ZNF892: variants seen among roughly 807,000 people sequenced by gnomAD.
ZNF892 encodes zinc finger protein 892.
the ZNF892 span, among the ~76,000 whole-genome samples, chr2:95,239,970 A>T: frequency 6.6e-6 from 1 of 152,212 alleles, no homozygotes; most frequent in Non-Finnish European, 1.5e-5. Flanking sequence ...ACTAGGAAAC[A>T]AAAAATTTGT....
the ZNF892 span, among the ~76,000 whole-genome samples, chr2:95,252,869 C>G: frequency 6.6e-6 from 1 of 152,166 alleles, no homozygotes; most frequent in African/African-American, 2.4e-5. Context: ...TGTCTTTTGG[C>G]TGTGTAAATG....
chr2:95,252,022 A>G, the ZNF892 span, among the ~76,000 whole-genome samples: 1 of 152,226 alleles, frequency 6.6e-6, no homozygotes, highest in Non-Finnish European at 1.5e-5. Context: ...TGTTGGAAAT[A>G]AGAGTTCGGA....
chr2:95,243,827 C>G, the ZNF892 span, among the ~76,000 whole-genome samples: 1 of 152,190 alleles, frequency 6.6e-6, no homozygotes, highest in Non-Finnish European at 1.5e-5. Flanking sequence ...CGGCCACCAC[C>G]CCGTCTGGGA....
the ZNF892 span, chr2:95,207,583 C>T: frequency 2.6e-6 from 1 of 384,278 alleles, no homozygotes; most frequent in Non-Finnish European, 4.6e-6. Flanking sequence ...CCTTTGTCGT[C>T]GGGCTCGGCT....
chr2:95,228,319 A>G, the ZNF892 span, among the ~76,000 whole-genome samples: 7 of 152,306 alleles, frequency 4.6e-5, no homozygotes, highest in Non-Finnish European at 8.8e-5. Flanking sequence ...AATTTCAGCT[A>G]TTCAGGAGGC....
At chr2:95,261,262 C>A in the ZNF892 span, among the ~76,000 whole-genome samples, 1 of 152,070 alleles carries the variant, frequency 6.6e-6, no homozygotes, top group African/African-American at 2.4e-5. Context: ...ACCTTCCTTA[C>A]CTCCAACCAT....
the ZNF892 span, among the ~76,000 whole-genome samples, chr2:95,238,149 AT>A: frequency 2.0e-5 from 3 of 152,250 alleles, no homozygotes; most frequent in Non-Finnish European, 4.4e-5. Context: ...AGAAGATGCC[AT>A]CTAGGACTTT....
At chr2:95,228,628 TTGA>T in the ZNF892 span, among the ~76,000 whole-genome samples, 1 of 152,220 alleles carries the variant, frequency 6.6e-6, no homozygotes, top group African/African-American at 2.4e-5. Context: ...TTGCTTTCCA[TTGA>T]TGATACTTGC....
the ZNF892 span, chr2:95,208,601 T>G: frequency 2.5e-6 from 1 of 398,422 alleles, no homozygotes; most frequent in Non-Finnish European, 4.4e-6. Flanking sequence ...CCTGCTAGTT[T>G]ATTGCAAGGA....
At chr2:95,235,085 A>C in the ZNF892 span, among the ~76,000 whole-genome samples, 1 of 152,206 alleles carries the variant, frequency 6.6e-6, no homozygotes, top group East Asian at 1.9e-4. Flanking sequence ...TGTGGGGAGA[A>C]ATCCCCACAC....
At chr2:95,221,045 CTG>C in the ZNF892 span, among the ~76,000 whole-genome samples, 4 of 152,120 alleles carry the variant, frequency 2.6e-5, no homozygotes, top group African/African-American at 7.2e-5. Flanking sequence ...ATGAAAATAA[CTG>C]AGATTTGGGA....
chr2:95,214,513 C>A, the ZNF892 span: 1 of 398,532 alleles, frequency 2.5e-6, no homozygotes, highest in Non-Finnish European at 4.4e-6. Flanking sequence ...GAGGCTGTCA[C>A]TGAGAAATCT....
chr2:95,217,619 CAG>C, the ZNF892 span, among the ~76,000 whole-genome samples: 1 of 152,188 alleles, frequency 6.6e-6, no homozygotes, highest in Non-Finnish European at 1.5e-5. Flanking sequence ...TCCCATTCCA[CAG>C]GGGGAGAAAT....
chr2:95,254,318 T>G, the ZNF892 span, among the ~76,000 whole-genome samples: 5 of 152,256 alleles, frequency 3.3e-5, no homozygotes. Context: ...CAAAGGTCTT[T>G]TCTGCATCTA....
the ZNF892 span, among the ~76,000 whole-genome samples, chr2:95,227,213 A>G: frequency 5.4e-4 from 81 of 149,056 alleles, no homozygotes; most frequent in Admixed American, 3.7e-3. Flanking sequence ...ATCTTTGTCT[A>G]TGCATGTTTT....
chr2:95,249,123 A>G, the ZNF892 span, among the ~76,000 whole-genome samples: 2 of 147,440 alleles, frequency 1.4e-5, no homozygotes, highest in African/African-American at 5.0e-5. Context: ...TTTCTCCCAT[A>G]CTTTGAACAC....
the ZNF892 span, among the ~76,000 whole-genome samples, chr2:95,254,507 G>A: frequency 0.017 from 2,536 of 152,144 alleles, 32 homozygotes; most frequent in Non-Finnish European, 0.026. Context: ...GGATTTTTGC[G>A]TCGATGTTCA....
At chr2:95,236,060 G>C in the ZNF892 span, among the ~76,000 whole-genome samples, 1 of 152,184 alleles carries the variant, frequency 6.6e-6, no homozygotes, top group South Asian at 2.1e-4. Flanking sequence ...CTGTGGGCAA[G>C]GAGTCAGGCT....
the ZNF892 span, among the ~76,000 whole-genome samples, chr2:95,236,252 A>T: frequency 6.6e-6 from 1 of 152,258 alleles, no homozygotes; most frequent in Admixed American, 6.5e-5. Context: ...CCATAAAAAT[A>T]AGAATACTCA....
Sources: allele counts gnomAD v4.1 joint callset (sites outside exome capture counted in the v4.1 genomes callset), GRCh38; gene constraint gnomAD v4.1.1; transcripts MANE v1.5; gene names NCBI Gene and HGNC (gene_info 2026-07-23, HGNC 2026-07-21).